GNL3L: variants seen among roughly 807,000 people sequenced by gnomAD.
GNL3L encodes the protein guanine nucleotide-binding protein-like 3-like protein.
A neutral mutation model predicts 42.9 loss-of-function variants in GNL3L; 4 were observed. That is an observed-to-expected ratio of 0.09 (90% confidence interval 0.05 to 0.21). GNL3L has a LOEUF of 0.21. Among genes scored for constraint, GNL3L ranks in the 10% least tolerant of loss-of-function variants. The probability of loss-of-function intolerance (pLI) is 1.00; values close to 1 mark genes in which losing one functional copy is unlikely to be tolerated. For missense variants in GNL3L, 412 were observed against 481.7 expected (o/e 0.86, Z 1.36); for synonymous variants, 159 against 176.3 (o/e 0.90, Z 0.78).
chrX:54,554,469 G>T, intron 13 of GNL3L, 96 bp from the exon 14 acceptor site: 1 of 892,044 alleles, frequency 1.1e-6, no homozygotes, highest in South Asian at 2.4e-5. Context: ...TGACTCCCCT[G>T]GGAAGCATCC....
chrX:54,554,467 CT>C (rs921144714), intron 13 of GNL3L, 97 bp from the exon 14 acceptor site: 23 of 880,605 alleles, frequency 2.6e-5, no homozygotes, highest in African/African-American at 1.8e-4. Context: ...CCTGACTCCC[CT>C]GGGAAGCATC....
chrX:54,605,910 A>G (rs1926055254), intron 16 of GNL3L, among the ~76,000 whole-genome samples: 1 of 111,121 alleles, frequency 9.0e-6, no homozygotes, highest in Non-Finnish European at 1.9e-5. Flanking sequence ...TTGGACTTGC[A>G]CTCACACTTT....
chrX:54,630,710 T>TCCTTCCTTCC, the GNL3L span, among the ~76,000 whole-genome samples: 1 of 53,548 alleles, frequency 1.9e-5, no homozygotes, highest in African/African-American at 1.3e-4. Flanking sequence ...TTCTTTCTTT[T>TCCTTCCTTCC]TCTTTCTTTC....
chrX:54,628,886 C>T, the GNL3L span, among the ~76,000 whole-genome samples: 3 of 84,178 alleles, frequency 3.6e-5, no homozygotes, highest in African/African-American at 6.2e-5. Flanking sequence ...GTTTCCTCTT[C>T]GTTTTTGTAT....
chrX:54,606,642 A>T (rs5961099), intron 16 of GNL3L, among the ~76,000 whole-genome samples: 37,416 of 98,185 alleles, frequency 0.38, 8,354 homozygotes, highest in African/African-American at 0.8. Flanking sequence ...TGCCAGGCCA[A>T]TTTTTTTTTT....
the GNL3L span, among the ~76,000 whole-genome samples, chrX:54,636,775 A>T: frequency 8.9e-6 from 1 of 111,979 alleles, no homozygotes; most frequent in Non-Finnish European, 1.9e-5. Context: ...TCCACTGTTG[A>T]TGGGCATCTA....
At chrX:54,555,667 G>A (rs1925075405) in intron 14 of GNL3L, among the ~76,000 whole-genome samples, 1 of 68,447 alleles carries the variant, frequency 1.5e-5, no homozygotes, top group African/African-American at 6.5e-5. Context: ...TTTTTGTAGA[G>A]ATGGGGTTTC....
chrX:54,573,820 GTTGATTAT>G (rs897726323), intron 16 of GNL3L, among the ~76,000 whole-genome samples: 7 of 103,117 alleles, frequency 6.8e-5, no homozygotes, highest in Non-Finnish European at 5.9e-5. Flanking sequence ...AGTCAGCTTT[GTTGATTAT>G]TCTCATTATG....
the GNL3L span, among the ~76,000 whole-genome samples, chrX:54,636,158 C>G: frequency 8.9e-6 from 1 of 111,848 alleles, no homozygotes; most frequent in Non-Finnish European, 1.9e-5. Context: ...TACTTTATGT[C>G]AGTCTTTTAG....
rs748359567 is a variant in GNL3L, at chrX:54,576,844, G to A, written c.*45+16197G>A. On this transcript the variant is annotated intron_variant, in intron 16 of 16. Transcript: ENST00000674498. ...TTATTTGTTTCTATTTATCTCATGT[G>A]TTTTGTGTTTCTCTACCCCTTTTTA... Among the ~76,000 whole-genome samples, 13 of 111,883 alleles carry A rather than the reference G, an allele frequency of 1.2e-4. No homozygotes were observed. The East Asian group carries it at 2.0e-3, about 17-fold the overall frequency.
intron 16 of GNL3L, among the ~76,000 whole-genome samples, chrX:54,610,483 G>A (rs774452657): frequency 1.2e-3 from 133 of 111,381 alleles, no homozygotes; most frequent in African/African-American, 4.0e-3. Flanking sequence ...TGTTGGCTGT[G>A]GGTTTGTCAT....
chrX:54,575,091 T>A (rs1257364142), intron 16 of GNL3L, among the ~76,000 whole-genome samples: 1 of 111,976 alleles, frequency 8.9e-6, no homozygotes, highest in Non-Finnish European at 1.9e-5. Context: ...CTTTCTCTAT[T>A]GTTATTCTGT....
intron 15 of GNL3L, among the ~76,000 whole-genome samples, chrX:54,559,897 C>T (rs73634951): frequency 8.3e-4 from 93 of 111,857 alleles, no homozygotes; most frequent in Middle Eastern, 9.3e-3. Flanking sequence ...GATGAATTGC[C>T]TTTGAACTCC....
At chrX:54,631,288 G>A in the GNL3L span, among the ~76,000 whole-genome samples, 1 of 110,927 alleles carries the variant, frequency 9.0e-6, no homozygotes, top group African/African-American at 3.3e-5. Context: ...TTTTTTCTTT[G>A]TTGACTTTCT....
Position 54,540,177 on chromosome X carries a change from T to G in GNL3L, c.124T>G (p.Ser42Ala). The change falls in exon 4 of 16, where the codon TCT (serine) becomes GCT (alanine). Residue 42 changes from serine (S) to alanine (A), a missense_variant. Physicochemically the swap from Ser to Ala is moderately conservative, Grantham distance 99. Coordinates refer to ENST00000360845, the MANE Select transcript of GNL3L (RefSeq NM_001184819.2). Reference protein sequence around the residue: ...NGKKATSKVPSAPHFVHPNDH... With the variant: ...NGKKATSKVPAAPHFVHPNDH... ...GAAGAAAGCAACCTCCAAAGTGCCCTCTGCACCTCATTTTGTTCACCCCAA... is the reference window on the plus strand; with the variant it reads ...GAAGAAAGCAACCTCCAAAGTGCCCGCTGCACCTCATTTTGTTCACCCCAA... 8.3e-7 allele frequency: 1 copy of G among 1,208,613 alleles called. No individual in the cohort carries two copies.
intron 16 of GNL3L, among the ~76,000 whole-genome samples, chrX:54,577,064 C>T (rs1419696982): frequency 8.9e-6 from 1 of 112,204 alleles, no homozygotes; most frequent in Non-Finnish European, 1.9e-5. Context: ...CCCCATTCTC[C>T]TTTCCCTCCA....
intron 8 of GNL3L, 124 bp downstream of exon 8, chrX:54,544,450 C>T (rs1489246010): frequency 7.5e-6 from 3 of 402,490 alleles, no homozygotes; most frequent in Middle Eastern, 5.7e-4. Context: ...CAACTTTGAG[C>T]TTTTTGCTCC....
Position 54,586,384 on chromosome X carries a change from AAGCAGC to A in GNL3L, c.*45+25751_*45+25756del, listed in dbSNP as rs200842799. 1.0e-3 allele frequency among the ~76,000 whole-genome samples: 113 copies of A among 110,220 alleles called. 1 individual carries two copies. Among genetic ancestry groups the A allele is most frequent in the Non-Finnish European group, 1.9e-3 (100 of 52,704 alleles). On this transcript the variant is annotated intron_variant, in intron 16 of 16. Transcript: ENST00000674498. Reference sequence around the variant, plus strand: ...GGGGTCCCAAAAGCCCCTGAGTCCTAAGCAGCAGCAGCAGCAGCACAGTAGCATTTT... The same window carrying A: ...GGGGTCCCAAAAGCCCCTGAGTCCTAAGCAGCAGCAGCACAGTAGCATTTT...
chrX:54,597,915 T>TG (rs1173523526), intron 16 of GNL3L, among the ~76,000 whole-genome samples: 1 of 111,132 alleles, frequency 9.0e-6, no homozygotes, highest in Non-Finnish European at 1.9e-5. Flanking sequence ...CTGCCACTGC[T>TG]GGGGGGATGG....
Sources: gnomAD v4.1 joint callset for allele counts (sites outside exome capture counted in the v4.1 genomes callset) on GRCh38, gnomAD v4.1.1 for gene constraint, MANE v1.5 for transcripts, NCBI Gene and HGNC (gene_info 2026-07-23, HGNC 2026-07-21) for gene names.